SIPA1L1: variants seen among roughly 807,000 people sequenced by gnomAD.
SIPA1L1 encodes the protein signal induced proliferation associated 1 like 1.
A neutral mutation model predicts 162.7 loss-of-function variants in SIPA1L1; 26 were observed. That is an observed-to-expected ratio of 0.16 (90% CI 0.12 to 0.22). The LOEUF (loss-of-function observed/expected upper bound fraction) is 0.22. Ranked by LOEUF, SIPA1L1 falls within the 10% of genes least tolerant of loss-of-function variation. SIPA1L1 has a pLI of 1.00. For missense variants in SIPA1L1, 1,874 were observed against 2,241.0 expected (o/e 0.84, Z 3.31); for synonymous variants, 829 against 837.4 (o/e 0.99, Z 0.17).
intron 7 of SIPA1L1, among the ~76,000 whole-genome samples, chr14:71,647,308 A>T (rs769011603): frequency 6.6e-6 from 1 of 151,996 alleles, no homozygotes; most frequent in South Asian, 2.1e-4. Context: ...ATTCAGTCAA[A>T]AGAGGCACAT....
At chr14:71,613,731 T>G (rs1464338795) in intron 5 of SIPA1L1, among the ~76,000 whole-genome samples, 1 of 152,198 alleles carries the variant, frequency 6.6e-6, no homozygotes, top group African/African-American at 2.4e-5. Context: ...AGTTGTGGAT[T>G]TGACTAGAAG....
At chr14:71,474,575 A>G (rs2047706677) in intron 2 of SIPA1L1, among the ~76,000 whole-genome samples, 1 of 152,268 alleles carries the variant, frequency 6.6e-6, no homozygotes, top group South Asian at 2.1e-4. Flanking sequence ...CCAAAATTAT[A>G]GAATGGGAAT....
At chr14:71,465,309 G>A (rs536995607) in intron 2 of SIPA1L1, among the ~76,000 whole-genome samples, 1 of 152,324 alleles carries the variant, frequency 6.6e-6, no homozygotes, top group Admixed American at 6.5e-5. Context: ...CAGCAGATAA[G>A]ACTCTCACTC....
intron 2 of SIPA1L1, among the ~76,000 whole-genome samples, chr14:71,509,798 A>G (rs1201166514): frequency 6.6e-6 from 1 of 152,102 alleles, no homozygotes; most frequent in Admixed American, 6.5e-5. Context: ...ACAGTACAAT[A>G]TAAAAGAGCA....
At chr14:71,429,803 C>T (rs771138041) in intron 2 of SIPA1L1, among the ~76,000 whole-genome samples, 5 of 152,162 alleles carry the variant, frequency 3.3e-5, no homozygotes, top group South Asian at 2.1e-4. Flanking sequence ...AGGTAGATCT[C>T]ATTAGCTTAT....
At chr14:71,514,511 T>C (rs2051506327) in intron 3 of SIPA1L1, among the ~76,000 whole-genome samples, 1 of 152,206 alleles carries the variant, frequency 6.6e-6, no homozygotes, top group African/African-American at 2.4e-5. Context: ...TTCCTATCTA[T>C]AGGGAGACTA....
At chr14:71,566,799 A>G (rs1217255055) in intron 4 of SIPA1L1, among the ~76,000 whole-genome samples, 1 of 152,188 alleles carries the variant, frequency 6.6e-6, no homozygotes, top group African/African-American at 2.4e-5. Context: ...CTTTAGAGCA[A>G]AACACCCAAT....
chr14:71,468,047 T>A (rs560326787), intron 2 of SIPA1L1, among the ~76,000 whole-genome samples: 358 of 139,700 alleles, frequency 2.6e-3, no homozygotes, highest in Non-Finnish European at 4.2e-3. Context: ...TGTGTGTGTG[T>A]CTGTCTGTGT....
chr14:71,561,099 T>C (rs937413198), intron 4 of SIPA1L1, among the ~76,000 whole-genome samples: 2 of 152,236 alleles, frequency 1.3e-5, no homozygotes, highest in Non-Finnish European at 2.9e-5. Context: ...AATTTTGTTT[T>C]ATTTGTAATT....
chr14:71,391,819 A>G (rs1414484056), intron 2 of SIPA1L1, among the ~76,000 whole-genome samples: 1 of 152,218 alleles, frequency 6.6e-6, no homozygotes, highest in Non-Finnish European at 1.5e-5. Context: ...GGAGGACCGT[A>G]GCAAGTGATT....
At chr14:71,488,912 A>G (rs1226624688) in intron 2 of SIPA1L1, among the ~76,000 whole-genome samples, 1 of 152,212 alleles carries the variant, frequency 6.6e-6, no homozygotes, top group Non-Finnish European at 1.5e-5. Flanking sequence ...TTAGTGGAGA[A>G]TGGCCTGCTT....
intron 2 of SIPA1L1, among the ~76,000 whole-genome samples, chr14:71,443,324 A>G (rs2045064073): frequency 6.6e-6 from 1 of 152,296 alleles, no homozygotes; most frequent in South Asian, 2.1e-4. Flanking sequence ...TCTGTTGCTG[A>G]TCATATTTTT....
chr14:71,611,689 A>G (rs2038238531), intron 5 of SIPA1L1, among the ~76,000 whole-genome samples: 1 of 152,204 alleles, frequency 6.6e-6, no homozygotes, highest in Non-Finnish European at 1.5e-5. Flanking sequence ...TTTGCTGAGA[A>G]TGATGGCTTC....
At chr14:71,635,244 A>T (rs1283972246) in intron 7 of SIPA1L1, among the ~76,000 whole-genome samples, 2 of 152,178 alleles carry the variant, frequency 1.3e-5, no homozygotes, top group Non-Finnish European at 2.9e-5. Flanking sequence ...ACGCCATTGC[A>T]CTCCAGCCTG....
Position 71,515,433 on chromosome 14 carries a change from A to C in SIPA1L1, c.-362+2588A>C, listed in dbSNP as rs1248954746. 3.3e-5 allele frequency among the ~76,000 whole-genome samples: 5 copies of C among 152,272 alleles called. No homozygotes were observed. In the East Asian group the frequency reaches 7.7e-4, roughly 23 times the overall value. ...TGCTTCTTACATAAGTAAAGATGTC[A>C]CCTCTACTTAAAATGAAAATCTCTT... On this transcript the variant is annotated intron_variant, in intron 3 of 23. Coordinates refer to ENST00000381232, the MANE Select transcript of SIPA1L1 (RefSeq NM_001386936.1).
chr14:71,609,637 T>A (rs565700184), intron 5 of SIPA1L1, among the ~76,000 whole-genome samples: 2 of 152,070 alleles, frequency 1.3e-5, no homozygotes, highest in East Asian at 3.9e-4. Flanking sequence ...CAGCTAGTTT[T>A]TGAATTTTTA....
At chr14:71,418,184 A>G (rs1458611535) in intron 2 of SIPA1L1, 6 of 152,180 alleles carry the variant, frequency 3.9e-5, no homozygotes, top group Non-Finnish European at 8.8e-5. Flanking sequence ...AACTCATTCT[A>G]CTGGAGCAAA....
chr14:71,499,414 A>G (rs1252326013), intron 2 of SIPA1L1, among the ~76,000 whole-genome samples: 5 of 152,186 alleles, frequency 3.3e-5, no homozygotes, highest in Non-Finnish European at 7.3e-5. Flanking sequence ...TATAAGCACA[A>G]CATCTGCTTG....
intron 14 of SIPA1L1, among the ~76,000 whole-genome samples, chr14:71,700,765 C>T (rs946169551): frequency 9.2e-5 from 14 of 151,866 alleles, no homozygotes; most frequent in Non-Finnish European, 1.6e-4. Flanking sequence ...GAGGCCGAGG[C>T]GGGCGGATCA....
Sources: gnomAD v4.1 joint callset for allele counts (sites outside exome capture counted in the v4.1 genomes callset) on GRCh38, gnomAD v4.1.1 for gene constraint, MANE v1.5 for transcripts, NCBI Gene and HGNC (gene_info 2026-07-23, HGNC 2026-07-21) for gene names.